Variants in ACBD6 observed in about 807,000 individuals in gnomAD.
ACBD6 encodes the protein acyl-CoA-binding domain-containing protein 6.
ACBD6 carries 28 observed loss-of-function variants against 37.2 expected under a neutral mutation model. The observed-to-expected ratio is 0.75, with a 90% CI of 0.56 to 1.03. ACBD6 has a LOEUF of 1.03. ACBD6 is among the 50% of genes least tolerant of loss of function. The pLI is 0.00. For missense variants in ACBD6, 340 were observed against 337.4 expected (o/e 1.01, Z -0.06); for synonymous variants, 113 against 126.8 (o/e 0.89, Z 0.73).
rs567328851 is a variant in ACBD6 at position 180,281,036 on chromosome 1, T to C, written c.*174+270A>G. Among the ~76,000 whole-genome samples, 73 of 152,334 alleles carry C rather than the reference T, an allele frequency of 4.8e-4. 1 individual carries two copies. The highest frequency in any genetic ancestry group is 6.8e-3 in the Middle Eastern group (2 of 294). On this transcript the variant is annotated intron_variant, in intron 9 of 13. Transcript: ENST00000642319. The stretch of plus-strand genomic sequence containing the variant: ...ACTGTTTTTGAGTATAGCAGGTTCA[T>C]TGGACCGCTTCCACTTTATCCTCTA...
chr1:180,370,597 A>G (rs1437946209), intron 6 of ACBD6, among the ~76,000 whole-genome samples: 1 of 152,176 alleles, frequency 6.6e-6, no homozygotes, highest in African/African-American at 2.4e-5. Flanking sequence ...ACAAATATAC[A>G]TTTACACAAG....
intron 6 of ACBD6, among the ~76,000 whole-genome samples, chr1:180,327,537 T>C (rs541354968): frequency 6.6e-6 from 1 of 152,362 alleles, no homozygotes; most frequent in East Asian, 1.9e-4. Context: ...TGTGTAGTTA[T>C]TTGTTAAAAT....
In ACBD6 at chr1:180,502,108, C is replaced by G. The variant is rs377392116; in HGVS notation, c.159G>C (p.Leu53=). The G allele has an allele frequency of 2.5e-6, 4 of 1,613,732 alleles. No individual in the cohort carries two copies. In the African/African-American group the frequency reaches 5.3e-5, roughly 22 times the overall value. Residue 53 remains leucine, a synonymous_variant, in exon 1 of 8, where the codon CTG becomes CTC. Transcript: ENST00000367595. ...TGCTGGCCACCTGAATCAGGCCTTGCAGGTGCGCGGCAGCCTTCTCAAACA... is the reference window on the plus strand; with the variant it reads ...TGCTGGCCACCTGAATCAGGCCTTGGAGGTGCGCGGCAGCCTTCTCAAACA... ...AELFEKAAAH[L]QGLIQVASRE... is the part of the protein sequence containing the mutation.
At chr1:180,280,162 CAT>C (rs1200736816) in intron 9 of ACBD6, among the ~76,000 whole-genome samples, 2 of 152,162 alleles carry the variant, frequency 1.3e-5, no homozygotes, top group African/African-American at 2.4e-5. Context: ...GGACGGTGCT[CAT>C]AGAGTCTTGT....
intron 6 of ACBD6, among the ~76,000 whole-genome samples, chr1:180,321,904 T>C (rs1651087399): frequency 6.6e-6 from 1 of 152,146 alleles, no homozygotes; most frequent in Admixed American, 6.5e-5. Context: ...TCTTCCATTA[T>C]CATGTTGAAT....
At chr1:180,294,477 G>A (rs910728714) in intron 7 of ACBD6, among the ~76,000 whole-genome samples, 1 of 152,020 alleles carries the variant, frequency 6.6e-6, no homozygotes, top group African/African-American at 2.4e-5. Flanking sequence ...GGTGGAGCCT[G>A]AAGTGTGAGC....
chr1:180,469,610 T>C (rs1259692825), intron 3 of ACBD6, among the ~76,000 whole-genome samples: 1 of 152,212 alleles, frequency 6.6e-6, no homozygotes, highest in Non-Finnish European at 1.5e-5. Context: ...TAAAGGAATA[T>C]GAGTTAGACA....
chr1:180,314,596 A>G, intron 7 of ACBD6, 96 bp downstream of exon 7: 2 of 992,550 alleles, frequency 2.0e-6, no homozygotes, highest in Non-Finnish European at 3.1e-6. Context: ...GCTGCCAGGT[A>G]CCTATCTAAG....
At chr1:180,458,380 A>G (rs1650001092) in intron 3 of ACBD6, among the ~76,000 whole-genome samples, 1 of 152,230 alleles carries the variant, frequency 6.6e-6, no homozygotes, top group Non-Finnish European at 1.5e-5. Context: ...TGAGCTCATC[A>G]CTGTAAAGTA....
chr1:180,345,251 T>C (rs1652135128), intron 6 of ACBD6, among the ~76,000 whole-genome samples: 1 of 152,214 alleles, frequency 6.6e-6, no homozygotes, highest in African/African-American at 2.4e-5. Context: ...TGATGGTGAA[T>C]GACCAGAAGT....
At position 180,486,513 on chromosome 1, in the gene ACBD6, T is replaced by C. The variant is rs185261380; in HGVS notation, c.384+5756A>G. ...TTCACAGTTCTTGACAACGAATAAA[T>C]AAATAAATGGGAGGAAAGTTCTCAA... On this transcript the variant is annotated intron_variant, in intron 3 of 7. Transcript: ENST00000367595. Among the ~76,000 whole-genome samples, 36 of 152,082 alleles carry C rather than the reference T, an allele frequency of 2.4e-4. No homozygotes were observed. In the East Asian group the frequency reaches 6.0e-3, roughly 25 times the overall value.
At chr1:180,288,874 CAT>C (rs1649588432) in intron 7 of ACBD6, among the ~76,000 whole-genome samples, 1 of 151,796 alleles carries the variant, frequency 6.6e-6, no homozygotes, top group Non-Finnish European at 1.5e-5. Flanking sequence ...AATAATGATA[CAT>C]GTGCAGGATA....
intron 6 of ACBD6, among the ~76,000 whole-genome samples, chr1:180,340,681 A>G (rs1175785114): frequency 6.6e-6 from 1 of 151,972 alleles, no homozygotes; most frequent in Non-Finnish European, 1.5e-5. Flanking sequence ...ATATGGAGTA[A>G]GATCCTTGAG....
chr1:180,492,174 G>C (rs1332563035), intron 3 of ACBD6, 95 bp downstream of exon 3: 21 of 866,954 alleles, frequency 2.4e-5, no homozygotes, highest in Non-Finnish European at 3.8e-5. Context: ...AAAACTTTAA[G>C]CATGTTACTT....
intron 6 of ACBD6, among the ~76,000 whole-genome samples, chr1:180,371,018 C>T (rs1653242459): frequency 6.6e-6 from 1 of 151,880 alleles, no homozygotes; most frequent in African/African-American, 2.4e-5. Flanking sequence ...TCTAAAATGC[C>T]TTAATTTTTT....
At chr1:180,453,352 G>A (rs1278172552) in intron 3 of ACBD6, among the ~76,000 whole-genome samples, 2 of 150,220 alleles carry the variant, frequency 1.3e-5, no homozygotes, top group Admixed American at 6.6e-5. Context: ...AAAGGCTTTC[G>A]ATGCTAAAAA....
chr1:180,502,074 G>A lies in ACBD6; in HGVS notation c.193C>T (p.Leu65Phe). The change falls in exon 1 of 8, where the codon CTC becomes TTC. Residue 65 changes from leucine to phenylalanine, a missense_variant. Coordinates refer to ENST00000367595, the MANE Select transcript of ACBD6 (RefSeq NM_032360.4). ...GLIQVASREQ[L>F]LYLYARYKQV... ...TTGTACCTGGCATACAGGTACAAGA[G>A]CTGCTCCCTGCTGGCCACCTGAATC... The A allele has an allele frequency of 6.2e-7, 1 of 1,613,760 alleles. No homozygotes were observed. Among genetic ancestry groups the A allele is most frequent in the Non-Finnish European group, 8.5e-7 (1 of 1,179,866 alleles).
intron 3 of ACBD6, among the ~76,000 whole-genome samples, chr1:180,471,740 C>G (rs1650578513): frequency 6.6e-6 from 1 of 152,082 alleles, no homozygotes; most frequent in Non-Finnish European, 1.5e-5. Context: ...CATGGGAATT[C>G]TGGGAGATAC....
chr1:180,295,975 A>G (rs1442529880), intron 7 of ACBD6, among the ~76,000 whole-genome samples: 1 of 152,236 alleles, frequency 6.6e-6, no homozygotes, highest in African/African-American at 2.4e-5. Flanking sequence ...TAATGAAGGC[A>G]TGTCAAAAAC....
Sources: allele counts gnomAD v4.1 joint callset (sites outside exome capture counted in the v4.1 genomes callset), GRCh38; gene constraint gnomAD v4.1.1; transcripts MANE v1.5; gene names NCBI Gene and HGNC (gene_info 2026-07-23, HGNC 2026-07-21).